CACNA2D3: variants seen among roughly 807,000 people sequenced by gnomAD.
The protein encoded by CACNA2D3 is voltage-dependent calcium channel subunit alpha-2/delta-3.
Under a neutral mutation model 160.6 loss-of-function variants are expected in CACNA2D3, and 60 were observed. The ratio of observed to expected loss-of-function variants is 0.37; its 90% CI spans 0.30 to 0.46. CACNA2D3 has a LOEUF of 0.46. Among genes scored for constraint, CACNA2D3 ranks in the 20% least tolerant of loss-of-function variants. The pLI is 1.00. For synonymous variants in CACNA2D3, 558 were observed against 492.9 expected, an observed-to-expected ratio of 1.13 and a Z score of -1.75; for missense variants, 1,205 against 1,365.0, an observed-to-expected ratio of 0.88 and a Z score of 1.85.
intron 3 of CACNA2D3, among the ~76,000 whole-genome samples, chr3:54,385,247 C>T (rs902103665): frequency 4.6e-5 from 7 of 152,178 alleles, no homozygotes; most frequent in African/African-American, 1.4e-4. Context: ...TACAATTTCC[C>T]AGGTGAAACT....
At chr3:54,880,680 T>G in intron 20 of CACNA2D3, 116 bp from the exon 21 acceptor site, 1 of 921,976 alleles carries the variant, frequency 1.1e-6, no homozygotes. Context: ...GTTGGAAAAA[T>G]TGTTGACAGA....
At chr3:54,261,004 ACAT>A (rs1702391575) in intron 2 of CACNA2D3, among the ~76,000 whole-genome samples, 1 of 152,170 alleles carries the variant, frequency 6.6e-6, no homozygotes, top group African/African-American at 2.4e-5. Context: ...TAGAATGTAA[ACAT>A]CATGAGAATG....
intron 27 of CACNA2D3, chr3:54,924,805 A>G: frequency 1.2e-6 from 2 of 1,614,042 alleles, no homozygotes; most frequent in Non-Finnish European, 1.7e-6. Flanking sequence ...TCTCCCAAGG[A>G]TGTGGGAAGG....
chr3:54,578,493 C>CG (rs1702623286), intron 8 of CACNA2D3, among the ~76,000 whole-genome samples: 1 of 152,236 alleles, frequency 6.6e-6, no homozygotes, highest in Non-Finnish European at 1.5e-5. Flanking sequence ...GGGTCCCCCT[C>CG]GGGAGGAGCC....
At chr3:54,802,369 A>C (rs1703011964) in intron 13 of CACNA2D3, among the ~76,000 whole-genome samples, 1 of 152,208 alleles carries the variant, frequency 6.6e-6, no homozygotes, top group Admixed American at 6.5e-5. Context: ...ATCCAATATT[A>C]TTATAAAAAC....
chr3:54,430,909 C>G (rs567824785), intron 4 of CACNA2D3, among the ~76,000 whole-genome samples: 2 of 152,278 alleles, frequency 1.3e-5, no homozygotes, highest in East Asian at 3.9e-4. Flanking sequence ...AAAAACTTAA[C>G]TACTACTAGT....
chr3:54,576,142 C>A (rs768745879), intron 8 of CACNA2D3, among the ~76,000 whole-genome samples: 1 of 152,182 alleles, frequency 6.6e-6, no homozygotes, highest in Non-Finnish European at 1.5e-5. Flanking sequence ...GAGGTCTTTC[C>A]TCATCCTCTT....
chr3:54,186,380 A>G (rs1700879076), intron 2 of CACNA2D3, among the ~76,000 whole-genome samples: 1 of 152,180 alleles, frequency 6.6e-6, no homozygotes, highest in Admixed American at 6.5e-5. Context: ...CTCCCAAGAT[A>G]TATGCATCTT....
rs540188724 is a variant in CACNA2D3, at chr3:54,599,446, C to A, written c.963+17569C>A. ...TCTGTTAGATGTTGCTATGGTCAGG[C>A]CCTTTATTGGACAGTGACCTCAGGT... On this transcript the variant is annotated intron_variant, in intron 9 of 37. Coordinates refer to ENST00000474759, the MANE Select transcript of CACNA2D3 (RefSeq NM_018398.3). Among the ~76,000 whole-genome samples the A allele has an allele frequency of 1.8e-4, 27 of 152,278 alleles. 1 individual carries two copies. In the South Asian group the frequency reaches 5.2e-3, roughly 29 times the overall value.
At chr3:54,151,449 A>C (rs1487414512) in intron 2 of CACNA2D3, among the ~76,000 whole-genome samples, 1 of 151,866 alleles carries the variant, frequency 6.6e-6, no homozygotes, top group East Asian at 1.9e-4. Context: ...TGGGTGAATG[A>C]ATTTCTGAGT....
chr3:54,231,076 G>A (rs759429283), intron 2 of CACNA2D3, among the ~76,000 whole-genome samples: 40 of 152,168 alleles, frequency 2.6e-4, no homozygotes, highest in Non-Finnish European at 5.1e-4. Context: ...TATCCCCTCT[G>A]CTAACATGTG....
At chr3:54,463,535 C>T (rs963064542) in intron 4 of CACNA2D3, among the ~76,000 whole-genome samples, 8 of 152,180 alleles carry the variant, frequency 5.3e-5, no homozygotes, top group South Asian at 4.1e-4. Context: ...CATCTTCCAT[C>T]ACTGATACCC....
chr3:55,058,164 G>A (rs1285646161), intron 35 of CACNA2D3, among the ~76,000 whole-genome samples: 1 of 152,172 alleles, frequency 6.6e-6, no homozygotes, highest in East Asian at 1.9e-4. Context: ...CAGTTGAATA[G>A]GGGTGGGAAT....
chr3:54,292,048 C>G lies in CACNA2D3; in HGVS notation c.205-28394C>G, dbSNP rs111897119. On this transcript the variant is annotated intron_variant, in intron 2 of 37. Transcript: ENST00000474759. ...AGTCAGTTGATTTCCAGCAAGTGTGCCAAGACCTTTCGGTGGTAGAAAGAA... is the reference window on the plus strand; with the variant it reads ...AGTCAGTTGATTTCCAGCAAGTGTGGCAAGACCTTTCGGTGGTAGAAAGAA... 1.5e-3 allele frequency among the ~76,000 whole-genome samples: 223 copies of G among 152,174 alleles called. 1 individual carries two copies. Among genetic ancestry groups the G allele is most frequent in the Non-Finnish European group, 2.6e-3 (174 of 68,012 alleles).
At chr3:54,993,299 C>T (rs1219419583) in intron 31 of CACNA2D3, among the ~76,000 whole-genome samples, 3 of 152,214 alleles carry the variant, frequency 2.0e-5, no homozygotes, top group Non-Finnish European at 4.4e-5. Flanking sequence ...CACCTTGCTC[C>T]AGCAAAATAT....
At chr3:54,218,820 G>T (rs1401895131) in intron 2 of CACNA2D3, among the ~76,000 whole-genome samples, 1 of 152,106 alleles carries the variant, frequency 6.6e-6, no homozygotes, top group Non-Finnish European at 1.5e-5. Context: ...TCCTTGGCTT[G>T]TGGTCTCTTC....
chr3:54,623,821 A>G (rs1188979118), intron 9 of CACNA2D3, among the ~76,000 whole-genome samples: 2 of 152,220 alleles, frequency 1.3e-5, no homozygotes, highest in Non-Finnish European at 1.5e-5. Flanking sequence ...AATTTTATTA[A>G]TAATTACATT....
chr3:54,775,947 C>T (rs1702417171), intron 13 of CACNA2D3, among the ~76,000 whole-genome samples: 1 of 152,106 alleles, frequency 6.6e-6, no homozygotes, highest in Admixed American at 6.5e-5. Flanking sequence ...TTTTTCTTGT[C>T]CCTCCTACTT....
intron 23 of CACNA2D3, among the ~76,000 whole-genome samples, chr3:54,887,284 G>T (rs754943078): frequency 6.6e-6 from 1 of 152,082 alleles, no homozygotes; most frequent in African/African-American, 2.4e-5. Flanking sequence ...AAATTAGCCA[G>T]GTGGTAGTGG....
Sources: allele counts gnomAD v4.1 joint callset (sites outside exome capture counted in the v4.1 genomes callset), GRCh38; gene constraint gnomAD v4.1.1; transcripts MANE v1.5; gene names NCBI Gene and HGNC (gene_info 2026-07-23, HGNC 2026-07-21).